The following CEP72 variants were observed in gnomAD, a reference collection of about 807,000 sequenced individuals.
The protein encoded by CEP72 is centrosomal protein 72, also known as centrosomal protein of 72 kDa.
Under a neutral mutation model 65.7 loss-of-function variants are expected in CEP72, and 78 were observed. That is an observed-to-expected ratio of 1.19 (90% CI 0.99 to 1.43). The LOEUF (loss-of-function observed/expected upper bound fraction) is 1.43. Among genes scored for constraint, CEP72 ranks in the 40% most tolerant of loss-of-function variants. CEP72 has a pLI of 0.00. For synonymous variants in CEP72, 358 were observed against 351.7 expected (o/e 1.02, Z -0.20); for missense variants, 914 against 832.9 (o/e 1.10, Z -1.20).
the CEP72 span, among the ~76,000 whole-genome samples, chr5:672,424 C>A: frequency 6.6e-6 from 1 of 152,272 alleles, no homozygotes; most frequent in African/African-American, 2.4e-5. Context: ...ATACACCACA[C>A]CCAGCACACA....
At chr5:642,751 C>CA in intron 9 of CEP72, 1 of 985,378 alleles carries the variant, frequency 1.0e-6, no homozygotes, top group Non-Finnish European at 1.2e-6. Context: ...GGGTAAGGAG[C>CA]AGTCAGCACC....
At chr5:671,127 G>A (rs369095260), downstream of CEP72, among the ~76,000 whole-genome samples, 93 of 152,302 alleles carry the variant, frequency 6.1e-4, no homozygotes, top group African/African-American at 2.1e-3. Context: ...TCTGGCTACC[G>A]AAGGCTCCCC....
rs3209487 is a variant in CEP72 at position 639,141 on chromosome 5, C to T, written c.1259C>T (p.Ala420Val). 9.3e-6 allele frequency: 15 copies of T among 1,612,868 alleles called. No homozygotes were observed. Among genetic ancestry groups the T allele is most frequent in the Admixed American group, 1.7e-5 (1 of 59,972 alleles). Residue 420 changes from alanine to valine, a missense_variant, in exon 8 of 12, where the codon GCG becomes GTG. Transcript: ENST00000264935. Reference sequence around the variant, plus strand: ...CCCGGGAAGAAGACGGCCCTGCAGGCGGCGCTCCTGGAGACGCTCTTGGAC... The same window carrying T: ...CCCGGGAAGAAGACGGCCCTGCAGGTGGCGCTCCTGGAGACGCTCTTGGAC... ...ALPGKKTALQAALLETLLDLV... is the reference protein window; with the variant it reads ...ALPGKKTALQVALLETLLDLV...
At chr5:649,773 GA>G (rs1738819123) in intron 11 of CEP72, among the ~76,000 whole-genome samples, 1 of 33,042 alleles carries the variant, frequency 3.0e-5, no homozygotes, top group Non-Finnish European at 4.8e-5. Context: ...GTGAGGCGTG[GA>G]CTGTGAGGTG....
Position 649,481 on chromosome 5 carries a change from T to C in CEP72, c.1778+1565T>C, listed in dbSNP as rs1459450924. Among the ~76,000 whole-genome samples, 40 of 78,846 alleles carry C rather than the reference T, an allele frequency of 5.1e-4. 1 individual carries two copies. Among genetic ancestry groups the C allele is most frequent in the African/African-American group, 2.1e-3 (37 of 17,894 alleles). 51.7% of individuals were successfully genotyped at this position (78,846 alleles called of 152,430 possible). A position where few individuals can be genotyped will look rare whatever the true frequency, so the allele number is the denominator to read the frequency against. On this transcript the variant is annotated intron_variant, in intron 11 of 11. Coordinates refer to ENST00000264935, the MANE Select transcript of CEP72 (RefSeq NM_018140.4). ...GTGAGGTGTGACTGTGAGGTGTGACTGTGAGGTGTGGACTGTGAGGTGTGA... is the reference window on the plus strand; with the variant it reads ...GTGAGGTGTGACTGTGAGGTGTGACCGTGAGGTGTGGACTGTGAGGTGTGA...
At chr5:662,817 G>A (rs1580065833) in intron 1 of CEP72, 1 of 152,616 alleles carries the variant, frequency 6.6e-6, no homozygotes, top group Non-Finnish European at 1.5e-5. Flanking sequence ...CAACACAAGG[G>A]CTTTGGAGTT....
intron 2 of CEP72, chr5:664,960 G>T: frequency 2.1e-6 from 2 of 935,284 alleles, no homozygotes; most frequent in Non-Finnish European, 3.2e-6. Flanking sequence ...CAGGAGGGAG[G>T]CCTGGGCCTG....
intron 3 of CEP72, among the ~76,000 whole-genome samples, chr5:620,516 C>T (rs575995025): frequency 6.6e-6 from 1 of 152,318 alleles, no homozygotes; most frequent in Admixed American, 6.5e-5. Context: ...AGCCCCGGAC[C>T]AGGCTGCTAC....
rs907816386 is a variant in CEP72 at position 637,945 on chromosome 5, T to TA, written c.1206+128dup. On this transcript the variant is annotated intron_variant, in intron 7 of 11. Coordinates refer to ENST00000264935, the MANE Select transcript of CEP72 (RefSeq NM_018140.4). ...GTGTCCCTCCCTGATGCAGGGCTGT[T>TA]ACGGCGGTGCCGTGATTACGCCTAC... is the stretch of plus-strand genomic sequence containing the variant. 7.5e-6 allele frequency: 7 copies of TA among 934,458 alleles called. No homozygotes were observed. The Admixed American group carries it at 8.9e-5, about 12-fold the overall frequency. The allele number at this position is 934,458 out of a possible 1,614,324, so 57.9% of individuals were successfully genotyped here. A position where few individuals can be genotyped will look rare whatever the true frequency, so the allele number is the denominator to read the frequency against.
At chr5:654,651 T>G (rs1001255604), downstream of CEP72, among the ~76,000 whole-genome samples, 2 of 152,204 alleles carry the variant, frequency 1.3e-5, 1 homozygote, top group African/African-American at 4.8e-5. Flanking sequence ...GGTTAATTTG[T>G]CATCACGTAA....
chr5:642,497 C>T, intron 9 of CEP72: 6 of 985,502 alleles, frequency 6.1e-6, no homozygotes, highest in Non-Finnish European at 7.2e-6. Context: ...CAGGCACACC[C>T]CTTGCCCTTC....
At position 665,152 on chromosome 5, in the gene CEP72, C is replaced by T. The variant is rs764006684; in HGVS notation, n.288-28C>T. The T allele has an allele frequency of 1.1e-5, 18 of 1,613,210 alleles. No homozygotes were observed. Among genetic ancestry groups the T allele is most frequent in the East Asian group, 6.7e-5 (3 of 44,894 alleles). On this transcript the variant is annotated intron_variant and non_coding_transcript_variant, in intron 2 of 4. Coordinates refer to the CEP72 transcript ENST00000514507. ...TCGTAGGTGCCTGCGTGCTTGTAGC[C>T]GGACACATAGCCTGACTCGTCCACC...
chr5:674,166 C>G, the CEP72 span, among the ~76,000 whole-genome samples: 3 of 152,234 alleles, frequency 2.0e-5, no homozygotes, highest in Admixed American at 6.5e-5. Flanking sequence ...ATCTCCACAC[C>G]GCTTTGCCCC....
the CEP72 span, among the ~76,000 whole-genome samples, chr5:674,151 G>C: frequency 6.6e-6 from 1 of 152,180 alleles, no homozygotes; most frequent in African/African-American, 2.4e-5. Context: ...TCACCCACAA[G>C]CACCATCTCC....
intron 10 of CEP72, among the ~76,000 whole-genome samples, chr5:647,487 G>A (rs1697977): frequency 0.19 from 29,640 of 152,136 alleles, 3,266 homozygotes; most frequent in East Asian, 0.43. Context: ...GGAGGAACCA[G>A]CAGACAGGCC....
At chr5:656,382 C>T (rs555589692), downstream of CEP72, among the ~76,000 whole-genome samples, 76 of 152,308 alleles carry the variant, frequency 5.0e-4, no homozygotes, top group African/African-American at 1.7e-3. Flanking sequence ...GAATCATTGA[C>T]GTACTTGCAG....
chr5:620,152 C>T lies in CEP72; in HGVS notation c.294C>T (p.His98=), dbSNP rs765000680. 25 of 1,614,070 alleles carry T rather than the reference C, an allele frequency of 1.5e-5. No homozygotes were observed. The highest frequency in any genetic ancestry group is 3.3e-5 in the Admixed American group (2 of 59,998). Residue 98 remains histidine (H), a synonymous_variant, in exon 3 of 12, where the codon CAC becomes CAT. Coordinates refer to ENST00000264935, the MANE Select transcript of CEP72 (RefSeq NM_018140.4). ...ISSLAEVFRL[H]ALTELVDVDF... ...CGTTGGCAGAAGTGTTTCGGCTCCACGCCTTAACCGAGCTCGTGGATGTGG... is the reference window on the plus strand; with the variant it reads ...CGTTGGCAGAAGTGTTTCGGCTCCATGCCTTAACCGAGCTCGTGGATGTGG...
chr5:648,765 G>GGACTGTGAGGTGT (rs1259821494), intron 11 of CEP72, among the ~76,000 whole-genome samples: 1 of 106,710 alleles, frequency 9.4e-6, no homozygotes, highest in Non-Finnish European at 1.9e-5. Context: ...TGTGAGGTGT[G>GGACTGTGAGGTGT]GACTGTGAGG....
downstream of CEP72, among the ~76,000 whole-genome samples, chr5:657,558 C>A (rs1043383048): frequency 3.3e-5 from 5 of 152,200 alleles, no homozygotes; most frequent in African/African-American, 1.2e-4. Flanking sequence ...CTTTCTTTGT[C>A]AGGAGGTTTG....
Sources: allele counts gnomAD v4.1 joint callset (sites outside exome capture counted in the v4.1 genomes callset), GRCh38; gene constraint gnomAD v4.1.1; transcripts MANE v1.5; gene names NCBI Gene and HGNC (gene_info 2026-07-23, HGNC 2026-07-21).